The following ELOVL2 variants were observed in gnomAD, a reference collection of about 807,000 sequenced individuals.
The protein encoded by ELOVL2 is ELOVL fatty acid elongase 2, also known as very long chain fatty acid elongase 2.
In ELOVL2, 38 loss-of-function variants were observed where a neutral mutation model predicts 37.7. The observed-to-expected ratio is 1.01, with a 90% CI of 0.78 to 1.32. The LOEUF (loss-of-function observed/expected upper bound fraction) is 1.32, where lower values mean the gene tolerates loss of function less well. ELOVL2 is among the 40% of genes most tolerant of loss of function. The pLI is 0.00. For missense variants in ELOVL2, 352 were observed against 363.6 expected, an observed-to-expected ratio of 0.97 and a Z score of 0.26; for synonymous variants, 115 against 122.3, an observed-to-expected ratio of 0.94 and a Z score of 0.40.
chr6:10,991,041 G>A (rs1782150155), intron 5 of ELOVL2, among the ~76,000 whole-genome samples: 1 of 152,220 alleles, frequency 6.6e-6, no homozygotes, highest in Non-Finnish European at 1.5e-5. Context: ...CCATTGCAGA[G>A]ACTTTTAGGA....
intron 1 of ELOVL2, among the ~76,000 whole-genome samples, chr6:11,013,580 T>C (rs1390706726): frequency 1.3e-5 from 2 of 152,056 alleles, no homozygotes; most frequent in African/African-American, 2.4e-5. Flanking sequence ...GTCATACATA[T>C]GAAGGAAAAG....
chr6:10,983,786 G>T lies in ELOVL2; in HGVS notation c.886C>A (p.Gln296Lys). 1 of 1,605,010 alleles carries T rather than the reference G, an allele frequency of 6.2e-7. No homozygotes were observed. The highest frequency in any genetic ancestry group is 8.5e-7 in the Non-Finnish European group (1 of 1,177,532). The change falls in exon 8 of 8, where the codon CAA (glutamine) becomes AAA (lysine). Residue 296 changes from glutamine to lysine, a missense_variant. Gln to Lys is a moderately conservative substitution (Grantham distance 53). Transcript: ENST00000354666. ...AANGVMNKKA[Q>K] ...GCTTTTTCTGTTACTCATTTTTATT[G>T]TGCTTTCTTGTTCATCACTCCATTT... is the stretch of plus-strand genomic sequence containing the variant.
At chr6:11,011,206 T>G (rs1339889221) in intron 1 of ELOVL2, among the ~76,000 whole-genome samples, 2 of 151,302 alleles carry the variant, frequency 1.3e-5, no homozygotes, top group African/African-American at 4.9e-5. Flanking sequence ...CTACTAAAAA[T>G]ACAAAAAAAA....
At chr6:11,033,563 T>C (rs1410134903) in intron 1 of ELOVL2, among the ~76,000 whole-genome samples, 1 of 152,368 alleles carries the variant, frequency 6.6e-6, no homozygotes, top group South Asian at 2.1e-4. Context: ...TCTGAAGTTA[T>C]GTTTCAAATC....
chr6:11,010,857 T>C (rs2113523381), intron 1 of ELOVL2, 48 bp from the exon 2 acceptor site: 2 of 1,487,944 alleles, frequency 1.3e-6, no homozygotes, highest in South Asian at 1.2e-5. Flanking sequence ...TCTTCTTTTT[T>C]TGAAACGGTC....
chr6:11,035,914 G>A (rs183174336), intron 1 of ELOVL2, among the ~76,000 whole-genome samples: 1 of 152,312 alleles, frequency 6.6e-6, no homozygotes, highest in African/African-American at 2.4e-5. Context: ...CTGAATGAAT[G>A]AACAATGAGT....
chr6:10,999,328 T>C (rs1482066617), intron 4 of ELOVL2, among the ~76,000 whole-genome samples: 1 of 152,104 alleles, frequency 6.6e-6, no homozygotes, highest in Non-Finnish European at 1.5e-5. Context: ...TTCAGAGAAT[T>C]CTGGCTTCTC....
intron 7 of ELOVL2, among the ~76,000 whole-genome samples, chr6:10,984,310 G>T (rs1489462718): frequency 6.6e-6 from 1 of 152,072 alleles, no homozygotes; most frequent in African/African-American, 2.4e-5. Flanking sequence ...GAGCCACTGT[G>T]CCCAGTTGGG....
At chr6:11,024,139 G>A (rs937556233) in intron 1 of ELOVL2, among the ~76,000 whole-genome samples, 2 of 152,146 alleles carry the variant, frequency 1.3e-5, no homozygotes, top group Non-Finnish European at 2.9e-5. Context: ...GATGACGAGA[G>A]GCAAAAGACA....
intron 5 of ELOVL2, among the ~76,000 whole-genome samples, chr6:10,991,082 A>G (rs1459306348): frequency 6.6e-6 from 1 of 152,230 alleles, no homozygotes; most frequent in Non-Finnish European, 1.5e-5. Flanking sequence ...GGCCCCTGCC[A>G]TCAACCTCAT....
intron 2 of ELOVL2, among the ~76,000 whole-genome samples, chr6:11,010,159 G>A (rs1182962900): frequency 2.0e-5 from 3 of 152,062 alleles, no homozygotes; most frequent in African/African-American, 4.8e-5. Context: ...GAGTAGCTAG[G>A]ATTACAGGCA....
intron 5 of ELOVL2, 86 bp downstream of exon 5, chr6:10,994,921 A>T: frequency 8.9e-7 from 1 of 1,121,576 alleles, no homozygotes; most frequent in South Asian, 1.8e-5. Flanking sequence ...TGCTCTCCTG[A>T]TCTGCATGCG....
At chr6:10,997,275 A>G (rs78817006) in intron 4 of ELOVL2, among the ~76,000 whole-genome samples, 3,425 of 152,250 alleles carry the variant, frequency 0.022, 134 homozygotes, top group East Asian at 0.18. Context: ...CTCAGGTATC[A>G]CTTTATTTAT....
chr6:11,012,351 G>A (rs558860182), intron 1 of ELOVL2, among the ~76,000 whole-genome samples: 26 of 152,254 alleles, frequency 1.7e-4, no homozygotes, highest in African/African-American at 3.6e-4. Context: ...GGAGGCCCCC[G>A]ATGTGAGAAA....
chr6:11,044,220 C>G lies in ELOVL2; in HGVS notation c.3+8G>C, dbSNP rs1052347941. 4.9e-6 allele frequency: 7 copies of G among 1,428,404 alleles called. No individual in the cohort carries two copies. The highest frequency in any genetic ancestry group is 6.4e-6 in the Non-Finnish European group (7 of 1,089,560). The allele number at this position is 1,428,404 out of a possible 1,614,324, so 88.5% of individuals were successfully genotyped here. On this transcript the variant is annotated splice_region_variant and intron_variant, in intron 1 of 7. Coordinates refer to ENST00000354666, the MANE Select transcript of ELOVL2 (RefSeq NM_017770.4). The surrounding 1 kb of genome is among the most constrained non-coding windows in gnomAD (Gnocchi z 5.6). Reference sequence around the variant, plus strand: ...GCGGTGTCGGTGGCGGCGCGCGGCCCCACTCACCATGATCCGCAGCGGCTG... The same window carrying G: ...GCGGTGTCGGTGGCGGCGCGCGGCCGCACTCACCATGATCCGCAGCGGCTG...
At chr6:11,043,282 C>A (rs568829511) in intron 1 of ELOVL2, among the ~76,000 whole-genome samples, 4 of 152,178 alleles carry the variant, frequency 2.6e-5, no homozygotes, top group Admixed American at 2.0e-4. Context: ...AAGACAAACG[C>A]GGATTTCACA....
At chr6:11,005,299 G>T in intron 3 of ELOVL2, 73 bp downstream of exon 3, 2 of 1,340,994 alleles carry the variant, frequency 1.5e-6, no homozygotes, top group South Asian at 1.4e-5. Flanking sequence ...GTTCTGCCAG[G>T]CTAGATGTGG....
chr6:11,039,596 TCTAG>T (rs1440570361), intron 1 of ELOVL2, among the ~76,000 whole-genome samples: 3 of 151,128 alleles, frequency 2.0e-5, no homozygotes, highest in Non-Finnish European at 2.9e-5. Context: ...ACAATTCTCA[TCTAG>T]CTATTTTGAA....
At chr6:10,990,851 G>A (rs1782147288) in intron 5 of ELOVL2, among the ~76,000 whole-genome samples, 1 of 152,214 alleles carries the variant, frequency 6.6e-6, no homozygotes, top group Admixed American at 6.5e-5. Context: ...TTGACAAAGA[G>A]CCTTTTGTAC....
Sources: allele counts gnomAD v4.1 joint callset (sites outside exome capture counted in the v4.1 genomes callset), GRCh38; gene constraint gnomAD v4.1.1; non-coding constraint Gnocchi (gnomAD v3.1); transcripts MANE v1.5; gene names NCBI Gene and HGNC (gene_info 2026-07-23, HGNC 2026-07-21).